Variants in ZNF680 observed in about 807,000 individuals in gnomAD.
ZNF680 encodes the protein hypothetical protein FLJ90430.
A neutral mutation model predicts 12.1 loss-of-function variants in ZNF680; 6 were observed. That is an observed-to-expected ratio of 0.49 (90% CI 0.27 to 0.98). The LOEUF is 0.98. Ranked by LOEUF, ZNF680 falls within the 50% of genes least tolerant of loss-of-function variation. The pLI is 0.12. For synonymous variants in ZNF680, 170 were observed against 199.3 expected (o/e 0.85, Z 1.24); for missense variants, 561 against 616.3 (o/e 0.91, Z 0.95).
intron 1 of ZNF680, among the ~76,000 whole-genome samples, chr7:64,562,215 G>C (rs533668782): frequency 9.6e-4 from 138 of 144,302 alleles, no homozygotes; most frequent in African/African-American, 2.9e-3. Context: ...CTGGGCGACA[G>C]AGCGAGACTC....
intron 3 of ZNF680, chr7:64,526,192 G>A: frequency 1.0e-6 from 1 of 963,484 alleles, no homozygotes; most frequent in African/African-American, 1.7e-5. Context: ...CTTAGAAGAA[G>A]AATGTAGGGA....
the ZNF680 span, among the ~76,000 whole-genome samples, chr7:64,509,363 C>T: frequency 3.3e-5 from 5 of 152,292 alleles, no homozygotes; most frequent in Admixed American, 2.6e-4. Flanking sequence ...CCACTTTCAA[C>T]AGCCAGGAGG....
At chr7:64,560,554 G>A (rs1472848173) in intron 1 of ZNF680, among the ~76,000 whole-genome samples, 7 of 152,194 alleles carry the variant, frequency 4.6e-5, no homozygotes, top group African/African-American at 7.2e-5. Context: ...TCTCATGCCT[G>A]TAATCCCAAT....
chr7:64,534,709 C>T (rs1584369811), intron 3 of ZNF680, among the ~76,000 whole-genome samples: 2 of 152,300 alleles, frequency 1.3e-5, no homozygotes, highest in African/African-American at 2.4e-5. Flanking sequence ...GATACTTGCA[C>T]ACGCATGTTT....
intron 3 of ZNF680, among the ~76,000 whole-genome samples, chr7:64,537,966 A>G (rs896073784): frequency 4.6e-5 from 7 of 152,010 alleles, no homozygotes; most frequent in African/African-American, 1.7e-4. Flanking sequence ...AACAGAATAG[A>G]GAGCCCAGAA....
the ZNF680 span, among the ~76,000 whole-genome samples, chr7:64,511,485 C>T: frequency 1.3e-5 from 2 of 151,978 alleles, no homozygotes; most frequent in Non-Finnish European, 2.9e-5. Flanking sequence ...GTTTACACCT[C>T]ACACAGTACT....
chr7:64,544,579 A>C, intron 1 of ZNF680, 147 bp from the exon 2 acceptor site: 4 of 1,345,100 alleles, frequency 3.0e-6, no homozygotes, highest in Non-Finnish European at 3.9e-6. Context: ...CAAATTATAC[A>C]ATAAAATAAA....
chr7:64,540,303 C>CTTTTT (rs61265238), intron 3 of ZNF680, among the ~76,000 whole-genome samples: 1 of 129,152 alleles, frequency 7.7e-6, no homozygotes, highest in African/African-American at 3.1e-5. Flanking sequence ...CTGATTTATC[C>CTTTTT]TTTTTTTTTT....
chr7:64,513,645 T>TA, the ZNF680 span, among the ~76,000 whole-genome samples: 5 of 144,226 alleles, frequency 3.5e-5, no homozygotes, highest in African/African-American at 1.0e-4. Flanking sequence ...TTCTTTTAAT[T>TA]AAAAATTTTT....
chr7:64,526,301 A>G (rs1181020820), intron 3 of ZNF680: 1 of 1,169,044 alleles, frequency 8.6e-7, no homozygotes, highest in Non-Finnish European at 1.1e-6. Flanking sequence ...TTGATTCAAG[A>G]TTAGTGTACT....
the ZNF680 span, among the ~76,000 whole-genome samples, chr7:64,510,922 TAA>T: frequency 0.02 from 677 of 33,112 alleles, 131 homozygotes; most frequent in African/African-American, 0.09. Flanking sequence ...AAAAAAAAAA[TAA>T]AAAATAAAAA....
Position 64,532,938 on chromosome 7 carries a change from T to C in ZNF680, c.254-10438A>G, listed in dbSNP as rs143920165. Among the ~76,000 whole-genome samples the C allele has an allele frequency of 8.5e-3, 1,294 of 152,324 alleles. 15 individuals are homozygous for C. The highest frequency in any genetic ancestry group is 0.03 in the African/African-American group (1,248 of 41,574). On this transcript the variant is annotated intron_variant, in intron 3 of 3. Transcript: ENST00000309683. The stretch of plus-strand genomic sequence containing the variant: ...AAACTTACATGATCATCTCAATAGA[T>C]GCAGAAAAAGCATTTGACAAAATCC...
chr7:64,562,383 A>G (rs1415252733), intron 1 of ZNF680, among the ~76,000 whole-genome samples: 6 of 152,214 alleles, frequency 3.9e-5, no homozygotes, highest in African/African-American at 1.4e-4. Flanking sequence ...TTACAAATTA[A>G]GAAGTTATGT....
chr7:64,512,062 A>G, the ZNF680 span, among the ~76,000 whole-genome samples: 3 of 147,642 alleles, frequency 2.0e-5, no homozygotes, highest in African/African-American at 7.4e-5. Flanking sequence ...TTGGTCTCCA[A>G]AAAAAAAAAA....
At chr7:64,511,698 A>T in the ZNF680 span, among the ~76,000 whole-genome samples, 1 of 152,068 alleles carries the variant, frequency 6.6e-6, no homozygotes, top group Non-Finnish European at 1.5e-5. Context: ...GCAAACTAGG[A>T]AAAAAATGGT....
At chr7:64,525,761 C>T (rs148732498) in intron 3 of ZNF680, 52 of 958,920 alleles carry the variant, frequency 5.4e-5, no homozygotes, top group Non-Finnish European at 6.0e-5. Context: ...AAGTTTTTCT[C>T]CCACACAAAA....
intron 3 of ZNF680, among the ~76,000 whole-genome samples, chr7:64,529,570 T>C (rs1785756664): frequency 6.6e-6 from 1 of 152,034 alleles, no homozygotes; most frequent in Non-Finnish European, 1.5e-5. Flanking sequence ...GACAAGGTCT[T>C]CAAATTAACC....
chr7:64,553,246 C>T (rs1411180410), intron 1 of ZNF680, among the ~76,000 whole-genome samples: 1 of 151,770 alleles, frequency 6.6e-6, no homozygotes, highest in Non-Finnish European at 1.5e-5. Flanking sequence ...CTGTTATATA[C>T]TGAATCGTTT....
downstream of ZNF680, among the ~76,000 whole-genome samples, chr7:64,517,748 T>A (rs899004443): frequency 3.3e-5 from 5 of 151,964 alleles, no homozygotes; most frequent in Non-Finnish European, 7.4e-5. Context: ...TCCACTATGA[T>A]CAAGTGGGTT....
Sources: allele counts gnomAD v4.1 joint callset (sites outside exome capture counted in the v4.1 genomes callset), GRCh38; gene constraint gnomAD v4.1.1; transcripts MANE v1.5; gene names NCBI Gene and HGNC (gene_info 2026-07-23, HGNC 2026-07-21).